The following ADCY2 variants were observed in gnomAD, a reference collection of about 807,000 sequenced individuals.
The protein encoded by ADCY2 is adenylate cyclase 2.
A neutral mutation model predicts 125.2 loss-of-function variants in ADCY2; 31 were observed. The observed-to-expected ratio is 0.25, with a 90% CI of 0.19 to 0.33. ADCY2 has a LOEUF of 0.33. ADCY2 is among the 10% of genes least tolerant of loss of function. The pLI, the probability that ADCY2 is intolerant of heterozygous loss-of-function variation, is 1.00. For synonymous variants in ADCY2, 512 were observed against 548.4 expected (o/e 0.93, Z 0.93); for missense variants, 904 against 1,418.2 (o/e 0.64, Z 5.82).
chr5:7,426,725 T>C (rs1233511164), intron 2 of ADCY2, among the ~76,000 whole-genome samples: 1 of 152,168 alleles, frequency 6.6e-6, no homozygotes, highest in East Asian at 1.9e-4. Flanking sequence ...TATTTCTCTC[T>C]GCTTGTGGAC....
At chr5:7,404,478 A>C (rs1297088365) in intron 1 of ADCY2, among the ~76,000 whole-genome samples, 1 of 152,036 alleles carries the variant, frequency 6.6e-6, no homozygotes, top group Admixed American at 6.6e-5. Flanking sequence ...CAGTAGAGGG[A>C]CTCTGCTGAC....
At chr5:7,468,231 A>G (rs933718368) in intron 2 of ADCY2, among the ~76,000 whole-genome samples, 1 of 152,212 alleles carries the variant, frequency 6.6e-6, no homozygotes, top group Non-Finnish European at 1.5e-5. Context: ...AAATTTGATG[A>G]GATGGGATGA....
intron 2 of ADCY2, among the ~76,000 whole-genome samples, chr5:7,422,937 A>G (rs1030659215): frequency 6.6e-6 from 1 of 152,166 alleles, no homozygotes; most frequent in East Asian, 1.9e-4. Flanking sequence ...TACCACTGGA[A>G]GAACCGAGTA....
chr5:7,537,304 A>G (rs556076381), intron 3 of ADCY2, among the ~76,000 whole-genome samples: 23 of 152,308 alleles, frequency 1.5e-4, no homozygotes, highest in African/African-American at 5.5e-4. Flanking sequence ...GTTTCAATAC[A>G]TGTTTGTCTT....
intron 3 of ADCY2, among the ~76,000 whole-genome samples, chr5:7,552,642 A>T (rs1212833055): frequency 1.3e-5 from 2 of 152,244 alleles, no homozygotes; most frequent in African/African-American, 2.4e-5. Flanking sequence ...CTTTTAGGTC[A>T]TTCAAGTAAA....
At position 7,396,347 on chromosome 5, in the gene ADCY2, G is replaced by A. The variant is rs762537379; in HGVS notation, c.51G>A (p.Glu17=). The A allele has an allele frequency of 2.3e-4, 351 of 1,542,618 alleles. No homozygotes were observed. The highest frequency in any genetic ancestry group is 3.0e-4 in the Non-Finnish European group (344 of 1,146,014). The change falls in exon 1 of 25, where the codon GAG becomes GAA. Residue 17 remains glutamate (E), a synonymous_variant. Transcript: ENST00000338316. This position sits in a 1 kb window ranked among gnomAD's most constrained non-coding sequence, Gnocchi z 5.7. ...GCCGCTACCTGCGGGACCGCTCCGA[G>A]GAGGCGGCGGGCGGCGGAGACGGGC... ...RRRRYLRDRS[E]EAAGGGDGLP...
chr5:7,636,853 T>A (rs994347199), intron 4 of ADCY2, among the ~76,000 whole-genome samples: 3 of 152,096 alleles, frequency 2.0e-5, no homozygotes, highest in South Asian at 2.1e-4. Flanking sequence ...GGAGCAATCA[T>A]GCTAAAGTGA....
intron 12 of ADCY2, among the ~76,000 whole-genome samples, chr5:7,720,597 C>T (rs544581649): frequency 6.6e-6 from 1 of 151,466 alleles, no homozygotes; most frequent in South Asian, 2.1e-4. Context: ...CGCCCTGTGT[C>T]CAAGTGTTCT....
At chr5:7,469,579 G>A (rs1306286263) in intron 2 of ADCY2, among the ~76,000 whole-genome samples, 1 of 151,728 alleles carries the variant, frequency 6.6e-6, no homozygotes, top group African/African-American at 2.4e-5. Context: ...ATTTCTAGGA[G>A]AAAGAGCTTG....
intron 14 of ADCY2, among the ~76,000 whole-genome samples, chr5:7,741,922 A>G (rs911226764): frequency 1.3e-5 from 2 of 152,186 alleles, no homozygotes; most frequent in South Asian, 4.2e-4. Context: ...TATCATCACC[A>G]TCATTACCAT....
At chr5:7,804,827 A>G in intron 22 of ADCY2, 135 bp downstream of exon 22, 5 of 639,602 alleles carry the variant, frequency 7.8e-6, no homozygotes, top group Non-Finnish European at 1.4e-5. Context: ...TCAAGGTCCT[A>G]TGAGAGAAGA....
intron 24 of ADCY2, among the ~76,000 whole-genome samples, chr5:7,823,957 G>T (rs1745383601): frequency 6.6e-6 from 1 of 152,154 alleles, no homozygotes; most frequent in South Asian, 2.1e-4. Flanking sequence ...AACAAGACAG[G>T]TTTCTGCCTG....
At chr5:7,649,897 A>C (rs535274282) in intron 4 of ADCY2, among the ~76,000 whole-genome samples, 1 of 152,196 alleles carries the variant, frequency 6.6e-6, no homozygotes, top group Non-Finnish European at 1.5e-5. Context: ...CCAGAACTCT[A>C]GGAGGAGCCA....
chr5:7,437,601 T>A (rs1466585627), intron 2 of ADCY2, among the ~76,000 whole-genome samples: 1 of 152,240 alleles, frequency 6.6e-6, no homozygotes, highest in Non-Finnish European at 1.5e-5. Flanking sequence ...CTTAGCACAG[T>A]GCCGGGCACG....
intron 4 of ADCY2, among the ~76,000 whole-genome samples, chr5:7,673,741 G>A (rs919185970): frequency 3.9e-5 from 6 of 152,154 alleles, no homozygotes; most frequent in Admixed American, 1.3e-4. Flanking sequence ...CAAGAGGTGG[G>A]GGACAGGGGA....
chr5:7,465,567 G>T (rs549505126), intron 2 of ADCY2, among the ~76,000 whole-genome samples: 27 of 152,244 alleles, frequency 1.8e-4, no homozygotes, highest in Admixed American at 1.3e-3. Flanking sequence ...GGTGTATTTG[G>T]GATGAAGTCC....
intron 3 of ADCY2, among the ~76,000 whole-genome samples, chr5:7,536,039 C>T (rs1734801966): frequency 6.6e-6 from 1 of 152,240 alleles, no homozygotes; most frequent in Non-Finnish European, 1.5e-5. Context: ...AACTGTCCTA[C>T]ATCTAGCTCA....
chr5:7,532,256 T>C (rs1243893185), intron 3 of ADCY2, among the ~76,000 whole-genome samples: 2 of 152,154 alleles, frequency 1.3e-5, no homozygotes, highest in East Asian at 1.9e-4. Context: ...TACAAACAGG[T>C]GATATGTTCA....
At chr5:7,754,063 C>T (rs184328809) in intron 15 of ADCY2, among the ~76,000 whole-genome samples, 217 of 152,278 alleles carry the variant, frequency 1.4e-3, no homozygotes, top group East Asian at 3.9e-3. Context: ...ACCTGTTGTG[C>T]CAAACCCATG....
Sources: gnomAD v4.1 joint callset for allele counts (sites outside exome capture counted in the v4.1 genomes callset) on GRCh38, gnomAD v4.1.1 for gene constraint, Gnocchi (gnomAD v3.1) non-coding constraint, MANE v1.5 for transcripts, NCBI Gene and HGNC (gene_info 2026-07-23, HGNC 2026-07-21) for gene names.